MDN1: variants seen among roughly 807,000 people sequenced by gnomAD.
MDN1 encodes midasin.
In MDN1, 266 loss-of-function variants were observed where a neutral mutation model predicts 669.2. The observed-to-expected ratio is 0.40, with a 90% CI of 0.36 to 0.44. The LOEUF (loss-of-function observed/expected upper bound fraction) is 0.44, where lower values mean the gene tolerates loss of function less well. Ranked by LOEUF, MDN1 falls within the 20% of genes least tolerant of loss-of-function variation. The probability of loss-of-function intolerance (pLI) is 1.00; values close to 1 mark genes in which losing one functional copy is unlikely to be tolerated. For missense variants in MDN1, 5,940 were observed against 6,754.0 expected (o/e 0.88, Z 4.22); for synonymous variants, 2,385 against 2,457.1 (o/e 0.97, Z 0.87).
At position 89,661,596 on chromosome 6, in the gene MDN1, CA is replaced by C. The variant is rs1211680352; in HGVS notation, c.14566-19del. 3.2e-6 allele frequency: 5 copies of C among 1,584,020 alleles called. No homozygotes were observed. In the African/African-American group the frequency reaches 6.9e-5, roughly 22 times the overall value. On this transcript the variant is annotated intron_variant, in intron 87 of 101. Transcript: ENST00000369393. ...TAGTCCCTCTTTGGGACAATGGAGA[CA>C]ACAGGGATAAAATAAAAATACAAAT...
Position 89,676,217 on chromosome 6 carries a change from A to T in MDN1, c.12540-10T>A. 1 of 1,612,234 alleles carries T rather than the reference A, an allele frequency of 6.2e-7. No individual in the cohort carries two copies. Among genetic ancestry groups the T allele is most frequent in the Non-Finnish European group, 8.5e-7 (1 of 1,178,252 alleles). On this transcript the variant is annotated splice_polypyrimidine_tract_variant and intron_variant, in intron 76 of 101. Transcript: ENST00000369393. The stretch of plus-strand genomic sequence containing the variant: ...GATTTCTGTAAGCAGCCTGGAAAAG[A>T]TATCAACATTGTTTACTTAATTAAA...
chr6:89,765,201 G>C (rs1229113408), intron 15 of MDN1, among the ~76,000 whole-genome samples: 1 of 152,170 alleles, frequency 6.6e-6, no homozygotes, highest in Admixed American at 6.6e-5. Flanking sequence ...AGGTTGCAGT[G>C]AGCCAAGATC....
rs1184130829 is a variant in MDN1, at chr6:89,790,381, T to C, written c.876A>G (p.Ser292=). 4 of 1,613,766 alleles carry C rather than the reference T, an allele frequency of 2.5e-6. No homozygotes were observed. The highest frequency in any genetic ancestry group is 1.3e-5 in the African/African-American group (1 of 74,916). Reference sequence around the variant, plus strand: ...ACCTAAGGGCCAGCTCCTGTTCACGTGAAGAACTCCTATTACCACCCTAAA... The same window carrying C: ...ACCTAAGGGCCAGCTCCTGTTCACGCGAAGAACTCCTATTACCACCCTAAA... ...PGELGGNRSS[S]REQELALRSY... Residue 292 remains serine (S), a synonymous_variant, in exon 6 of 102, where the codon TCA becomes TCG. Coordinates refer to ENST00000369393, the MANE Select transcript of MDN1 (RefSeq NM_014611.3).
At chr6:89,756,632 A>G (rs59592134) in intron 19 of MDN1, among the ~76,000 whole-genome samples, 4,241 of 152,296 alleles carry the variant, frequency 0.028, 216 homozygotes, top group African/African-American at 0.098. Flanking sequence ...AAGAAGAAAA[A>G]GATACAAAAG....
chr6:89,806,275 G>T (rs1768012656), intron 1 of MDN1, among the ~76,000 whole-genome samples: 1 of 152,060 alleles, frequency 6.6e-6, no homozygotes, highest in Admixed American at 6.6e-5. Context: ...CATTGCAGAG[G>T]AAAGAAACAT....
chr6:89,804,807 G>A (rs906250383), intron 1 of MDN1, among the ~76,000 whole-genome samples: 6 of 151,798 alleles, frequency 4.0e-5, no homozygotes, highest in South Asian at 2.1e-4. Flanking sequence ...CGAGGCAGGC[G>A]GATCACGAGG....
chr6:89,677,199 C>T (rs1243127397), intron 76 of MDN1, among the ~76,000 whole-genome samples: 2 of 152,008 alleles, frequency 1.3e-5, no homozygotes, highest in Non-Finnish European at 2.9e-5. Flanking sequence ...TCAAGTGATA[C>T]TCCTTGCCTC....
chr6:89,734,691 A>AGAGAGAGAGAGAGAGAGAGAGAGAG lies in MDN1; in HGVS notation c.4724-1917_4724-1916insCTCTCTCTCTCTCTCTCTCTCTCTC, dbSNP rs370691129. On this transcript the variant is annotated intron_variant, in intron 33 of 101. Transcript: ENST00000369393. ...AGAAGAAAAAAAAAAAAAAAAAAAC[A>AGAGAGAGAGAGAGAGAGAGAGAGAG]AGAGAGAGAGAGAGAGAGAGAGAGA... Among the ~76,000 whole-genome samples, 22 of 112,984 alleles carry AGAGAGAGAGAGAGAGAGAGAGAGAG rather than the reference A, an allele frequency of 1.9e-4. 2 individuals are homozygous for AGAGAGAGAGAGAGAGAGAGAGAGAG. The East Asian group carries it at 3.8e-3, about 19-fold the overall frequency. 74.1% of individuals were successfully genotyped at this position (112,984 alleles called of 152,430 possible).
chr6:89,818,580 G>A lies in MDN1; in HGVS notation c.102+926C>T, dbSNP rs571091393. On this transcript the variant is annotated intron_variant, in intron 1 of 101. Transcript: ENST00000369393. ...TAATCCCAGCACTTTGGGAGGCTGA[G>A]GCGGGTGGATCACGAGGTCAAGAGA... 4.6e-5 allele frequency among the ~76,000 whole-genome samples: 7 copies of A among 152,174 alleles called. No homozygotes were observed. The South Asian group carries it at 1.4e-3, about 32-fold the overall frequency.
rs1355696253 is a variant in MDN1 at position 89,707,554 on chromosome 6, C to T, written c.7899-78G>A. The T allele has an allele frequency of 5.5e-6, 5 of 913,828 alleles. No individual in the cohort carries two copies. In the African/African-American group the frequency reaches 6.5e-5, roughly 12 times the overall value. 56.6% of individuals were successfully genotyped at this position (913,828 alleles called of 1,614,324 possible). A position where few individuals can be genotyped will look rare whatever the true frequency, so the allele number is the denominator to read the frequency against. On this transcript the variant is annotated intron_variant, in intron 51 of 101. Coordinates refer to ENST00000369393, the MANE Select transcript of MDN1 (RefSeq NM_014611.3). ...CAATCATATCCTCTATTTGCTGGAA[C>T]ACTTGGAACATCAGGGTCCTTCATC... is the stretch of plus-strand genomic sequence containing the variant.
intron 2 of MDN1, chr6:89,797,844 G>A: frequency 4.7e-6 from 1 of 211,020 alleles, no homozygotes; most frequent in South Asian, 6.4e-5. Flanking sequence ...AAGTGAAAGA[G>A]GATCTCCTTA....
At chr6:89,661,843 G>A (rs1000904304) in intron 87 of MDN1, among the ~76,000 whole-genome samples, 1 of 152,152 alleles carries the variant, frequency 6.6e-6, no homozygotes, top group Non-Finnish European at 1.5e-5. Flanking sequence ...ATAAACAAGG[G>A]ATCACAGGTT....
chr6:89,804,207 G>T (rs1027657710), intron 1 of MDN1, among the ~76,000 whole-genome samples: 2 of 152,056 alleles, frequency 1.3e-5, no homozygotes, highest in Non-Finnish European at 2.9e-5. Context: ...ACCATGCCTG[G>T]CCCAAAATAT....
At chr6:89,735,575 T>C (rs770225985) in intron 33 of MDN1, among the ~76,000 whole-genome samples, 2 of 152,080 alleles carry the variant, frequency 1.3e-5, no homozygotes, top group Non-Finnish European at 2.9e-5. Flanking sequence ...TGTGAATATA[T>C]GGATAATATT....
intron 71 of MDN1, 94 bp downstream of exon 71, chr6:89,684,782 C>A: frequency 1.4e-6 from 1 of 737,814 alleles, no homozygotes; most frequent in Non-Finnish European, 2.3e-6. Flanking sequence ...TCCCCTAGGT[C>A]CCTGCCTCAG....
At position 89,735,328 on chromosome 6, in the gene MDN1, G is replaced by A. The variant is rs193006522; in HGVS notation, c.4724-2553C>T. Among the ~76,000 whole-genome samples, 688 of 146,200 alleles carry A rather than the reference G, an allele frequency of 4.7e-3. 19 individuals are homozygous for A. The highest frequency in any genetic ancestry group is 0.044 in the Admixed American group (649 of 14,782). On this transcript the variant is annotated intron_variant, in intron 33 of 101. Coordinates refer to ENST00000369393, the MANE Select transcript of MDN1 (RefSeq NM_014611.3). ...AAAAGCAGTTCATGTGCCTTTCACA[G>A]GTCAATTTTTTTTTTTTTTAAACAC... is the stretch of plus-strand genomic sequence containing the variant.
chr6:89,700,943 T>TTCTGA, intron 55 of MDN1, 87 bp from the exon 56 acceptor site: 1 of 1,072,700 alleles, frequency 9.3e-7, no homozygotes, highest in Non-Finnish European at 1.3e-6. Flanking sequence ...AATAAATTTA[T>TTCTGA]GATATATTCT....
At chr6:89,702,094 G>A (rs1343777599) in intron 53 of MDN1, 33 bp from the exon 54 acceptor site, 2 of 1,552,388 alleles carry the variant, frequency 1.3e-6, no homozygotes, top group Non-Finnish European at 1.7e-6. Context: ...AAGATGGCAT[G>A]AAGAAAGACT....
chr6:89,792,686 TTTTAC>T (rs1223624531), intron 5 of MDN1, among the ~76,000 whole-genome samples: 1 of 151,984 alleles, frequency 6.6e-6, no homozygotes, highest in African/African-American at 2.4e-5. Context: ...TTTTTTTTTT[TTTTAC>T]TACTACTGAC....
Sources: allele counts gnomAD v4.1 joint callset (sites outside exome capture counted in the v4.1 genomes callset), GRCh38; gene constraint gnomAD v4.1.1; transcripts MANE v1.5; gene names NCBI Gene and HGNC (gene_info 2026-07-23, HGNC 2026-07-21).